The following SGCZ variants were observed in gnomAD, a reference collection of about 807,000 sequenced individuals.
The protein encoded by SGCZ is sarcoglycan zeta.
In SGCZ, 40 loss-of-function variants were observed where a neutral mutation model predicts 41.3. The ratio of observed to expected loss-of-function variants is 0.97; its 90% CI spans 0.75 to 1.26. The LOEUF (loss-of-function observed/expected upper bound fraction) is 1.26. Ranked by LOEUF, SGCZ falls within the 50% of genes most tolerant of loss-of-function variation. The probability of loss-of-function intolerance (pLI) is 0.00; values close to 1 mark genes in which losing one functional copy is unlikely to be tolerated. For synonymous variants in SGCZ, 206 were observed against 137.5 expected, an observed-to-expected ratio of 1.50 and a Z score of -3.49; for missense variants, 552 against 369.8, an observed-to-expected ratio of 1.49 and a Z score of -4.04.
intron 1 of SGCZ, among the ~76,000 whole-genome samples, chr8:14,836,237 C>T (rs1018924445): frequency 1.3e-5 from 2 of 152,078 alleles, no homozygotes; most frequent in Non-Finnish European, 2.9e-5. Context: ...CTATTTGAGC[C>T]AATGAACTCT....
At chr8:14,387,271 C>T (rs1236705932) in intron 2 of SGCZ, among the ~76,000 whole-genome samples, 1 of 152,222 alleles carries the variant, frequency 6.6e-6, no homozygotes, top group East Asian at 1.9e-4. Context: ...AGACTGGCCT[C>T]GAACTCTTGG....
intron 1 of SGCZ, among the ~76,000 whole-genome samples, chr8:14,817,676 C>T (rs540933448): frequency 6.6e-6 from 1 of 152,306 alleles, no homozygotes; most frequent in East Asian, 1.9e-4. Flanking sequence ...ACCCACATGG[C>T]ACCACCCTCA....
At chr8:14,869,333 A>T (rs1323192005) in intron 1 of SGCZ, among the ~76,000 whole-genome samples, 1 of 152,148 alleles carries the variant, frequency 6.6e-6, no homozygotes, top group Non-Finnish European at 1.5e-5. Flanking sequence ...ATCAATCACA[A>T]AAAACACATG....
chr8:14,118,112 C>G (rs954511475), intron 5 of SGCZ, among the ~76,000 whole-genome samples: 1 of 151,976 alleles, frequency 6.6e-6, no homozygotes, highest in African/African-American at 2.4e-5. Flanking sequence ...AATGGGATTT[C>G]TAGGTCAAAT....
intron 1 of SGCZ, among the ~76,000 whole-genome samples, chr8:14,800,485 A>T (rs1801287265): frequency 6.6e-6 from 1 of 152,168 alleles, no homozygotes; most frequent in African/African-American, 2.4e-5. Flanking sequence ...CTGCATATCC[A>T]CCCAAATCTC....
chr8:14,777,068 G>A (rs1733575701), intron 1 of SGCZ, among the ~76,000 whole-genome samples: 1 of 152,120 alleles, frequency 6.6e-6, no homozygotes, highest in Admixed American at 6.5e-5. Context: ...CCCAAGTGTG[G>A]TGACTCTCTG....
intron 4 of SGCZ, among the ~76,000 whole-genome samples, chr8:14,229,885 T>A (rs1806500965): frequency 1.3e-5 from 2 of 152,150 alleles, no homozygotes; most frequent in African/African-American, 4.8e-5. Flanking sequence ...AACATGTTTA[T>A]GCTTAGCACT....
intron 5 of SGCZ, among the ~76,000 whole-genome samples, chr8:14,112,539 CT>C (rs1246792711): frequency 2.0e-5 from 3 of 152,022 alleles, no homozygotes; most frequent in Non-Finnish European, 2.9e-5. Context: ...TATATTCAAA[CT>C]TTTTGGAAGT....
intron 2 of SGCZ, among the ~76,000 whole-genome samples, chr8:14,451,968 A>C (rs776934776): frequency 5.9e-5 from 9 of 152,228 alleles, no homozygotes; most frequent in Non-Finnish European, 1.3e-4. Context: ...TCCAGCAATC[A>C]TACTCCTTGT....
chr8:14,266,712 C>G (rs966996288), intron 3 of SGCZ, among the ~76,000 whole-genome samples: 2 of 152,102 alleles, frequency 1.3e-5, no homozygotes, highest in African/African-American at 4.8e-5. Context: ...TAAGGAGTCA[C>G]TGAGACACTT....
chr8:15,022,606 T>C (rs1803297872), intron 1 of SGCZ, among the ~76,000 whole-genome samples: 1 of 152,170 alleles, frequency 6.6e-6, no homozygotes, highest in Non-Finnish European at 1.5e-5. Flanking sequence ...CCTCACAAAG[T>C]GCTGGGATCA....
intron 2 of SGCZ, among the ~76,000 whole-genome samples, chr8:14,517,153 A>G (rs1284322753): frequency 2.6e-5 from 4 of 152,218 alleles, no homozygotes; most frequent in Middle Eastern, 3.4e-3. Flanking sequence ...CCTTCAGATC[A>G]TCACAGAAAT....
intron 2 of SGCZ, among the ~76,000 whole-genome samples, chr8:14,357,625 C>T (rs914747160): frequency 6.6e-6 from 1 of 152,112 alleles, no homozygotes; most frequent in Non-Finnish European, 1.5e-5. Context: ...TCAACTTTCC[C>T]TGGGAAGTAT....
rs534366052 is a variant in SGCZ at position 14,090,252 on chromosome 8, A to G, written c.*191T>C. 1.2e-4 allele frequency: 59 copies of G among 473,534 alleles called. No individual in the cohort carries two copies. The East Asian group carries it at 1.7e-3, about 14-fold the overall frequency. 29.3% of individuals were successfully genotyped at this position (473,534 alleles called of 1,614,324 possible). ...CGACGCTTTTTCCACTGCTGTGTCAATCACACCCTCTGTGTTGAGCAGTAC... is the reference window on the plus strand; with the variant it reads ...CGACGCTTTTTCCACTGCTGTGTCAGTCACACCCTCTGTGTTGAGCAGTAC... On this transcript the variant is annotated 3_prime_UTR_variant, in exon 8 of 8. Coordinates refer to ENST00000382080, the MANE Select transcript of SGCZ (RefSeq NM_139167.4).
At chr8:14,783,917 T>C (rs1349468388) in intron 1 of SGCZ, among the ~76,000 whole-genome samples, 1 of 152,230 alleles carries the variant, frequency 6.6e-6, no homozygotes, top group African/African-American at 2.4e-5. Context: ...ATTTAGTTTG[T>C]AATAAATTGA....
intron 5 of SGCZ, among the ~76,000 whole-genome samples, chr8:14,134,100 G>T (rs1346842421): frequency 2.6e-5 from 4 of 152,146 alleles, no homozygotes; most frequent in African/African-American, 9.7e-5. Context: ...TACAGGTTAT[G>T]TTATACGAGC....
chr8:14,809,702 G>C (rs13270931), intron 1 of SGCZ, among the ~76,000 whole-genome samples: 16,828 of 152,064 alleles, frequency 0.11, 1,171 homozygotes, highest in South Asian at 0.16. Context: ...TCTGAAAATG[G>C]AAATGTACAT....
chr8:14,499,877 A>G (rs1249872299), intron 2 of SGCZ, among the ~76,000 whole-genome samples: 1 of 152,054 alleles, frequency 6.6e-6, no homozygotes, highest in African/African-American at 2.4e-5. Flanking sequence ...GCTTTGAGAA[A>G]CACATAAATA....
chr8:14,562,240 T>C (rs1804227547), intron 1 of SGCZ, among the ~76,000 whole-genome samples: 1 of 152,152 alleles, frequency 6.6e-6, no homozygotes, highest in South Asian at 2.1e-4. Context: ...TATATAAGTA[T>C]TCAGGACTGG....
Sources: allele counts gnomAD v4.1 joint callset (sites outside exome capture counted in the v4.1 genomes callset), GRCh38; gene constraint gnomAD v4.1.1; transcripts MANE v1.5; gene names NCBI Gene and HGNC (gene_info 2026-07-23, HGNC 2026-07-21).